PGF: variants seen among roughly 807,000 people sequenced by gnomAD.
The protein encoded by PGF is placental growth factor.
Under a neutral mutation model 25.3 loss-of-function variants are expected in PGF, and 11 were observed. The ratio of observed to expected loss-of-function variants is 0.43; its 90% CI spans 0.27 to 0.72. PGF has a LOEUF of 0.72. Ranked by LOEUF, PGF falls within the 30% of genes least tolerant of loss-of-function variation. The pLI, the probability that PGF is intolerant of heterozygous loss-of-function variation, is 0.18. For synonymous variants in PGF, 105 were observed against 97.9 expected, an observed-to-expected ratio of 1.07 and a Z score of -0.43; for missense variants, 230 against 234.9, an observed-to-expected ratio of 0.98 and a Z score of 0.14.
chr14:74,951,366 C>T (rs1408949400), intron 2 of PGF, among the ~76,000 whole-genome samples: 1 of 152,250 alleles, frequency 6.6e-6, no homozygotes, highest in African/African-American at 2.4e-5. Context: ...AATCCTGGGT[C>T]AGAGAGCACC....
At chr14:74,951,969 C>T (rs1888881818) in intron 2 of PGF, among the ~76,000 whole-genome samples, 1 of 152,166 alleles carries the variant, frequency 6.6e-6, no homozygotes, top group Non-Finnish European at 1.5e-5. Flanking sequence ...GCTCAGCTGT[C>T]CCCGAGAGCA....
chr14:74,951,283 T>C (rs1048048339), intron 2 of PGF, among the ~76,000 whole-genome samples: 3 of 152,156 alleles, frequency 2.0e-5, no homozygotes, highest in African/African-American at 7.2e-5. Context: ...CACTGGATAC[T>C]GCCCCGGAAC....
intron 1 of PGF, 184 bp from the exon 2 acceptor site, chr14:74,954,130 T>TC: frequency 1.6e-6 from 1 of 607,662 alleles, no homozygotes; most frequent in East Asian, 2.8e-5. Context: ...GTAGGTTAGG[T>TC]CCCACCCCTC....
chr14:74,954,651 G>A (rs1161218010), intron 1 of PGF, among the ~76,000 whole-genome samples: 25 of 152,110 alleles, frequency 1.6e-4, no homozygotes, highest in African/African-American at 6.0e-4. Flanking sequence ...ACCCACCCAG[G>A]AGAAAAGGCA....
At chr14:74,946,062 C>T (rs1888723945) in intron 6 of PGF, 151 bp downstream of exon 6, 3 of 658,650 alleles carry the variant, frequency 4.6e-6, no homozygotes, top group Non-Finnish European at 8.0e-6. Context: ...GCTTCCTGGG[C>T]CCTAGAGTCT....
chr14:74,942,062 A>AG lies in PGF; in HGVS notation c.*643dup, dbSNP rs558606713. 2.6e-5 allele frequency: 4 copies of AG among 153,088 alleles called. No individual in the cohort carries two copies. Among genetic ancestry groups the AG allele is most frequent in the South Asian group, 2.0e-4 (1 of 4,914 alleles). The allele number at this position is 153,088 out of a possible 1,614,324, so 9.5% of individuals were successfully genotyped here. On this transcript the variant is annotated 3_prime_UTR_variant, in exon 7 of 7. Coordinates refer to ENST00000555567, the MANE Select transcript of PGF (RefSeq NM_002632.6). Reference sequence around the variant, plus strand: ...GGGGCCCACTCTGTATGTGTCTCTTAGGGGGGGCAGGGTGGTGGCACCTTG... The same window carrying AG: ...GGGGCCCACTCTGTATGTGTCTCTTAGGGGGGGGCAGGGTGGTGGCACCTTG...
At chr14:74,942,763 G>A in intron 6 of PGF, 30 bp from the exon 7 acceptor site, 1 of 1,602,452 alleles carries the variant, frequency 6.2e-7, no homozygotes, top group Non-Finnish European at 8.5e-7. Flanking sequence ...GACGGGGCGG[G>A]TATCAGCACA....
rs1376201140 is a variant in PGF, at chr14:74,946,203, G to A, written c.485+10C>T. On this transcript the variant is annotated intron_variant, in intron 6 of 6. Transcript: ENST00000555567. ...GCCTCCTCGCCATCCCTGGGACCCC[G>A]CACACTCACAGGTGGCAGTCTGTGG... The A allele has an allele frequency of 6.2e-6, 10 of 1,612,690 alleles. No homozygotes were observed. The highest frequency in any genetic ancestry group is 8.5e-6 in the Non-Finnish European group (10 of 1,178,922).
intron 4 of PGF, 157 bp downstream of exon 4, chr14:74,948,350 C>A (rs1187062437): frequency 1.9e-6 from 1 of 514,422 alleles, no homozygotes; most frequent in Non-Finnish European, 3.5e-6. Context: ...TGGTAGCCAC[C>A]CCTGGTCCTG....
Position 74,949,235 on chromosome 14 carries a change from G to A in PGF, c.315+122C>T, listed in dbSNP as rs61759378. ...TAGGAAGAAGAGGCCCTGGGCTGGGGTGGTAGGAGCACTGGCCTGGGAGTC... is the reference window on the plus strand; with the variant it reads ...TAGGAAGAAGAGGCCCTGGGCTGGGATGGTAGGAGCACTGGCCTGGGAGTC... On this transcript the variant is annotated intron_variant, in intron 3 of 6. Coordinates refer to ENST00000555567, the MANE Select transcript of PGF (RefSeq NM_002632.6). 112 of 744,668 alleles carry A rather than the reference G, an allele frequency of 1.5e-4. No homozygotes were observed. The African/African-American group carries it at 1.8e-3, about 12-fold the overall frequency. The allele number at this position is 744,668 out of a possible 1,614,324, so 46.1% of individuals were successfully genotyped here.
In PGF at chr14:74,953,523, C is replaced by T. The variant is rs1375034925; in HGVS notation, c.118+381G>A. 6.6e-6 allele frequency among the ~76,000 whole-genome samples: 1 copy of T among 152,178 alleles called. No homozygotes were observed. Among genetic ancestry groups the T allele is most frequent in the Non-Finnish European group, 1.5e-5 (1 of 68,026 alleles). ...GGAGGGCCCCTCACCCATTCCTGAT[C>T]CTCTTGACTGCCCACTGCATTCAGC... On this transcript the variant is annotated intron_variant, in intron 2 of 6. Coordinates refer to ENST00000555567, the MANE Select transcript of PGF (RefSeq NM_002632.6). The surrounding 1 kb of genome is among the most constrained non-coding windows in gnomAD (Gnocchi z 5.4).
rs942586714 is a variant in PGF at position 74,950,308 on chromosome 14, C to A, written c.119-755G>T. On this transcript the variant is annotated intron_variant, in intron 2 of 6. Coordinates refer to ENST00000555567, the MANE Select transcript of PGF (RefSeq NM_002632.6). The surrounding 1 kb of genome is among the most constrained non-coding windows in gnomAD (Gnocchi z 4.1). ...TGAGCCTCCCTTGAGCACTGCTTGG[C>A]CTCTGGCCTCAAGGGGTTGCCTTAT... is the stretch of plus-strand genomic sequence containing the variant. 5.9e-5 allele frequency among the ~76,000 whole-genome samples: 9 copies of A among 152,366 alleles called. No individual in the cohort carries two copies. The highest frequency in any genetic ancestry group is 2.2e-4 in the African/African-American group (9 of 41,586).
chr14:74,948,210 C>T (rs1443897070), intron 4 of PGF: 4 of 298,584 alleles, frequency 1.3e-5, no homozygotes, highest in Non-Finnish European at 1.9e-5. Flanking sequence ...AGGGGAACGA[C>T]ACGCACCGAA....
intron 6 of PGF, among the ~76,000 whole-genome samples, chr14:74,943,953 A>C (rs905472241): frequency 1.3e-5 from 2 of 152,206 alleles, no homozygotes; most frequent in Non-Finnish European, 2.9e-5. Flanking sequence ...TCAATAAAAG[A>C]CTTCTGAAAA....
In PGF at chr14:74,941,929, C is replaced by T. The variant is rs890614869; in HGVS notation, c.*777G>A. 1 of 152,700 alleles carries T rather than the reference C, an allele frequency of 6.5e-6. No homozygotes were observed. Among genetic ancestry groups the T allele is most frequent in the Non-Finnish European group, 1.5e-5 (1 of 68,132 alleles). 9.5% of individuals were successfully genotyped at this position (152,700 alleles called of 1,614,324 possible). A position where few individuals can be genotyped will look rare whatever the true frequency, so the allele number is the denominator to read the frequency against. ...TGGGGGTGCCAGGGCCCTTGGGGAA[C>T]CTGCTCCCCTGCCACTGCCTTCAGC... is the stretch of plus-strand genomic sequence containing the variant. On this transcript the variant is annotated 3_prime_UTR_variant, in exon 7 of 7. Coordinates refer to ENST00000555567, the MANE Select transcript of PGF (RefSeq NM_002632.6).
In PGF at chr14:74,948,469, G is replaced by A. The variant is rs1401169326; in HGVS notation, c.392+38C>T. The A allele has an allele frequency of 1.6e-5, 21 of 1,308,250 alleles. No individual in the cohort carries two copies. The Admixed American group carries it at 3.7e-4, about 23-fold the overall frequency. The allele number at this position is 1,308,250 out of a possible 1,614,324, so 81.0% of individuals were successfully genotyped here. A position where few individuals can be genotyped will look rare whatever the true frequency, so the allele number is the denominator to read the frequency against. On this transcript the variant is annotated intron_variant, in intron 4 of 6. Transcript: ENST00000555567. Reference sequence around the variant, plus strand: ...TTGCTGAGGCTGCCAAGAGGACGGGGGCCTTTCCTTGCTACCCACCCGACC... The same window carrying A: ...TTGCTGAGGCTGCCAAGAGGACGGGAGCCTTTCCTTGCTACCCACCCGACC...
At chr14:74,954,706 G>A (rs549787614) in intron 1 of PGF, among the ~76,000 whole-genome samples, 82 of 152,118 alleles carry the variant, frequency 5.4e-4, no homozygotes, top group African/African-American at 1.9e-3. Flanking sequence ...AGGAGCCCAC[G>A]GCTCAGTCCT....
At chr14:74,942,973 C>G (rs1888638688) in intron 6 of PGF, among the ~76,000 whole-genome samples, 1 of 152,182 alleles carries the variant, frequency 6.6e-6, no homozygotes, top group Non-Finnish European at 1.5e-5. Flanking sequence ...CCTCAACAAC[C>G]TTCCATGAGG....
chr14:74,948,355 G>A (rs1707297387), intron 4 of PGF, 152 bp downstream of exon 4: 8 of 525,684 alleles, frequency 1.5e-5, no homozygotes, highest in Non-Finnish European at 2.8e-5. Flanking sequence ...GCCACCCCTG[G>A]TCCTGCCCTC....
Sources: allele counts gnomAD v4.1 joint callset (sites outside exome capture counted in the v4.1 genomes callset), GRCh38; gene constraint gnomAD v4.1.1; non-coding constraint Gnocchi (gnomAD v3.1); transcripts MANE v1.5; gene names NCBI Gene and HGNC (gene_info 2026-07-23, HGNC 2026-07-21).